Variants in RERE observed in about 807,000 individuals in gnomAD.
RERE encodes the protein arginine-glutamic acid dipeptide repeats, also known as arginine-glutamic acid dipeptide repeats protein.
A neutral mutation model predicts 146.1 loss-of-function variants in RERE; 40 were observed. That is an observed-to-expected ratio of 0.27 (90% CI 0.21 to 0.36). The LOEUF (loss-of-function observed/expected upper bound fraction) is 0.36. Ranked by LOEUF, RERE falls within the 10% of genes least tolerant of loss-of-function variation. The pLI is 1.00. For synonymous variants in RERE, 1,003 were observed against 866.0 expected (o/e 1.16, Z -2.78); for missense variants, 1,933 against 2,138.7 (o/e 0.90, Z 1.90).
chr1:8,607,534 CTTTTTTTTTTTTTTTTT>C (rs1167501074), intron 4 of RERE, among the ~76,000 whole-genome samples: 2 of 48,584 alleles, frequency 4.1e-5, no homozygotes, highest in Non-Finnish European at 7.0e-5. Flanking sequence ...ATATATATTT[CTTTTTTTTTTTTTTTTT>C]TTTTTTTTTT....
intron 7 of RERE, among the ~76,000 whole-genome samples, chr1:8,510,201 C>T (rs542819609): frequency 1.3e-5 from 2 of 152,110 alleles, no homozygotes; most frequent in South Asian, 2.1e-4. Context: ...CAGAACAGGC[C>T]GATGCCCGTA....
At chr1:8,779,700 G>A (rs1641132010) in intron 1 of RERE, among the ~76,000 whole-genome samples, 1 of 151,878 alleles carries the variant, frequency 6.6e-6, no homozygotes, top group African/African-American at 2.4e-5. Context: ...TGAGAGCAGA[G>A]ATTTTTTTCT....
chr1:8,391,460 C>T (rs2124426088), intron 12 of RERE, among the ~76,000 whole-genome samples: 1 of 152,300 alleles, frequency 6.6e-6, no homozygotes, highest in East Asian at 1.9e-4. Context: ...TTGCTCCACA[C>T]ACTCCAGCTA....
chr1:8,440,565 T>TC (rs1184815252), intron 11 of RERE, among the ~76,000 whole-genome samples: 1 of 137,626 alleles, frequency 7.3e-6, no homozygotes, highest in Non-Finnish European at 1.5e-5. Flanking sequence ...AACTCCAGCC[T>TC]GGCGACAGAG....
At position 8,466,433 on chromosome 1, in the gene RERE, G is replaced by A. The variant is rs527618344; in HGVS notation, c.1105-410C>T. 3.9e-5 allele frequency among the ~76,000 whole-genome samples: 6 copies of A among 152,096 alleles called. No individual in the cohort carries two copies. In the South Asian group the frequency reaches 1.2e-3, roughly 32 times the overall value. ...TATCATCGCCCTACTTCACAGATGA[G>A]GAAACTGAGGCACAGAAAGATCAAG... is the stretch of plus-strand genomic sequence containing the variant. On this transcript the variant is annotated intron_variant, in intron 10 of 22. Transcript: ENST00000400908.
intron 4 of RERE, among the ~76,000 whole-genome samples, chr1:8,572,731 G>T (rs1274302681): frequency 1.3e-5 from 2 of 152,156 alleles, no homozygotes; most frequent in South Asian, 2.1e-4. Context: ...TCCAATGGAG[G>T]AGAAGACCCC....
chr1:8,565,753 T>C (rs1646145628), intron 4 of RERE, among the ~76,000 whole-genome samples: 1 of 152,028 alleles, frequency 6.6e-6, no homozygotes, highest in Admixed American at 6.6e-5. Flanking sequence ...TTTACATATC[T>C]ATATATATTA....
At chr1:8,538,964 G>A (rs1645762381) in intron 7 of RERE, among the ~76,000 whole-genome samples, 1 of 152,142 alleles carries the variant, frequency 6.6e-6, no homozygotes, top group African/African-American at 2.4e-5. Context: ...GTGAGTGCCT[G>A]GTTTACAAAG....
At chr1:8,723,785 G>A (rs1469710716) in intron 1 of RERE, among the ~76,000 whole-genome samples, 1 of 152,086 alleles carries the variant, frequency 6.6e-6, no homozygotes, top group African/African-American at 2.4e-5. Flanking sequence ...AATACAGTTC[G>A]GCTCTTTCAG....
chr1:8,410,460 C>T (rs1248268182), intron 12 of RERE, among the ~76,000 whole-genome samples: 3 of 152,192 alleles, frequency 2.0e-5, no homozygotes, highest in South Asian at 2.1e-4. Flanking sequence ...CTCCAAGGGA[C>T]GAGATCAGAA....
chr1:8,404,094 G>A (rs1347209978), intron 12 of RERE, among the ~76,000 whole-genome samples: 1 of 152,034 alleles, frequency 6.6e-6, no homozygotes, highest in East Asian at 1.9e-4. Flanking sequence ...CTCCCAGTGT[G>A]CTGGGATTAT....
intron 4 of RERE, among the ~76,000 whole-genome samples, chr1:8,564,335 G>GAC (rs1415719234): frequency 2.6e-5 from 4 of 152,080 alleles, no homozygotes; most frequent in African/African-American, 9.7e-5. Flanking sequence ...TTGGGGATGG[G>GAC]ACCCAAGTCT....
chr1:8,640,249 A>G (rs187776842), intron 2 of RERE, among the ~76,000 whole-genome samples: 4 of 152,306 alleles, frequency 2.6e-5, no homozygotes, highest in African/African-American at 9.6e-5. Context: ...GAGAGGTATA[A>G]CTATAATCAA....
chr1:8,607,635 T>G (rs1435815708), intron 4 of RERE, among the ~76,000 whole-genome samples: 2 of 144,258 alleles, frequency 1.4e-5, no homozygotes, highest in East Asian at 4.6e-4. Context: ...AACCTTGAAC[T>G]TCTGAGTTCA....
chr1:8,620,702 G>A (rs1209038133), intron 3 of RERE, among the ~76,000 whole-genome samples: 1 of 151,888 alleles, frequency 6.6e-6, no homozygotes, highest in East Asian at 1.9e-4. Flanking sequence ...AATCTACAGT[G>A]CGAAGCGACC....
intron 7 of RERE, among the ~76,000 whole-genome samples, chr1:8,522,492 C>G (rs185862399): frequency 9.2e-5 from 14 of 152,314 alleles, no homozygotes; most frequent in Non-Finnish European, 1.6e-4. Context: ...GAATCACAGA[C>G]ATCTGGTCTT....
At chr1:8,647,855 T>C (rs1171449129) in intron 2 of RERE, among the ~76,000 whole-genome samples, 6 of 152,222 alleles carry the variant, frequency 3.9e-5, no homozygotes, top group Non-Finnish European at 8.8e-5. Flanking sequence ...TTAGGACCAT[T>C]TGTTAAAATA....
At chr1:8,804,631 G>A (rs567261023) in intron 1 of RERE, among the ~76,000 whole-genome samples, 2 of 152,286 alleles carry the variant, frequency 1.3e-5, no homozygotes, top group African/African-American at 4.8e-5. Context: ...CAGCAGAAGC[G>A]ATATGTACAA....
At position 8,360,184 on chromosome 1, in the gene RERE, G is replaced by A. The variant is rs916851511; in HGVS notation, c.3323C>T (p.Pro1108Leu). ...LDDAEEPESP[P>L]PPPRSPSPEP... is the part of the protein sequence containing the mutation. ...CGGGGACGGGCTCCTTGGTGGGGGA[G>A]GGGGGCTCTCAGGCTCCTCAGCGTC... is the stretch of plus-strand genomic sequence containing the variant. The change falls in exon 18 of 23, where the codon CCT (proline) becomes CTT (leucine). Residue 1108 changes from proline (P) to leucine (L), a missense_variant. By Grantham distance (98) the Pro-to-Leu change is moderately conservative. Around this residue, in one of 11 missense-constraint regions of RERE, gnomAD observed 1,255 missense variants for 1,153.8 expected, o/e 1.09. Transcript: ENST00000400908. 6.3e-6 allele frequency: 10 copies of A among 1,598,310 alleles called. No individual in the cohort carries two copies. The highest frequency in any genetic ancestry group is 2.3e-5 in the East Asian group (1 of 44,434).
Sources: allele counts gnomAD v4.1 joint callset (sites outside exome capture counted in the v4.1 genomes callset), GRCh38; gene constraint gnomAD v4.1.1; regional missense constraint gnomAD v4.1.1; transcripts MANE v1.5; gene names NCBI Gene and HGNC (gene_info 2026-07-23, HGNC 2026-07-21).